The following TSPAN8 variants were observed in gnomAD, a reference collection of about 807,000 sequenced individuals.
TSPAN8 encodes tetraspanin-8.
A neutral mutation model predicts 32.8 loss-of-function variants in TSPAN8; 21 were observed. That is an observed-to-expected ratio of 0.64 (90% CI 0.45 to 0.92). The LOEUF (loss-of-function observed/expected upper bound fraction) is 0.92. TSPAN8 is among the 40% of genes least tolerant of loss of function. The pLI is 0.00. For synonymous variants in TSPAN8, 95 were observed against 94.6 expected (o/e 1.00, Z -0.03); for missense variants, 269 against 281.9 (o/e 0.95, Z 0.33).
At chr12:71,151,581 T>C (rs1157370193) in intron 2 of TSPAN8, among the ~76,000 whole-genome samples, 1 of 152,130 alleles carries the variant, frequency 6.6e-6, no homozygotes, top group Non-Finnish European at 1.5e-5. Flanking sequence ...TGACACAAAT[T>C]CAGTAATATT....
In TSPAN8 at chr12:71,151,056, C is replaced by T. The variant is rs143046447; in HGVS notation, c.60+6563G>A. Among the ~76,000 whole-genome samples the T allele has an allele frequency of 2.7e-4, 41 of 151,138 alleles. 2 individuals are homozygous for T. The East Asian group carries it at 7.3e-3, about 27-fold the overall frequency. On this transcript the variant is annotated intron_variant, in intron 2 of 8. Transcript: ENST00000247829. ...CAATGTGTCTCCATGATTGCATTCA[C>T]GTGCATCTTATTTTTTTTTTTTTTT...
intron 7 of TSPAN8, among the ~76,000 whole-genome samples, chr12:71,132,028 T>C (rs896706590): frequency 2.6e-5 from 4 of 152,296 alleles, no homozygotes; most frequent in Admixed American, 6.5e-5. Flanking sequence ...AAGTATTTGA[T>C]GAACTGATCA....
chr12:71,140,558 T>A (rs1286786071), intron 3 of TSPAN8, among the ~76,000 whole-genome samples: 1 of 152,162 alleles, frequency 6.6e-6, no homozygotes, highest in Non-Finnish European at 1.5e-5. Context: ...CATAGAGTCA[T>A]CTAGAAACTC....
chr12:71,137,769 CT>C (rs1871750814), intron 6 of TSPAN8, among the ~76,000 whole-genome samples, 183 bp downstream of exon 6: 1 of 152,182 alleles, frequency 6.6e-6, no homozygotes, highest in South Asian at 2.1e-4. Context: ...TGCTTCAGAA[CT>C]TTGTATGAAG....
rs1872001854 is a variant in TSPAN8, at chr12:71,144,282, C to T, written c.61-69G>A. On this transcript the variant is annotated intron_variant, in intron 2 of 8. Transcript: ENST00000247829. Reference sequence around the variant, plus strand: ...ATATGAAACTCTATTTCCACACCCTCCTATCTATCCGGTGACAGTAGTTCA... The same window carrying T: ...ATATGAAACTCTATTTCCACACCCTTCTATCTATCCGGTGACAGTAGTTCA... 2.8e-6 allele frequency: 4 copies of T among 1,403,800 alleles called. No individual in the cohort carries two copies. The East Asian group carries it at 9.3e-5, about 33-fold the overall frequency. The allele number at this position is 1,403,800 out of a possible 1,614,324, so 87.0% of individuals were successfully genotyped here. A position where few individuals can be genotyped will look rare whatever the true frequency, so the allele number is the denominator to read the frequency against.
chr12:71,144,320 C>T (rs970152159), intron 2 of TSPAN8, 107 bp from the exon 3 acceptor site: 6 of 886,686 alleles, frequency 6.8e-6, no homozygotes, highest in African/African-American at 6.7e-5. Flanking sequence ...ATCGACTATA[C>T]TATCACAACC....
In TSPAN8 at chr12:71,152,410, A is replaced by G. The variant is rs533207036; in HGVS notation, c.60+5209T>C. Among the ~76,000 whole-genome samples, 72 of 152,342 alleles carry G rather than the reference A, an allele frequency of 4.7e-4. No homozygotes were observed. The Middle Eastern group carries it at 0.01, about 22-fold the overall frequency. ...AATAGTTACATATTTCTGCTTCATA[A>G]AAACACCTATAAAATACTGGTTGAA... On this transcript the variant is annotated intron_variant, in intron 2 of 8. Coordinates refer to ENST00000247829, the MANE Select transcript of TSPAN8 (RefSeq NM_004616.3).
intron 2 of TSPAN8, among the ~76,000 whole-genome samples, chr12:71,150,334 T>C (rs1565789320): frequency 6.6e-6 from 1 of 152,188 alleles, no homozygotes; most frequent in Non-Finnish European, 1.5e-5. Flanking sequence ...TTATCAGGAG[T>C]TTCTGATTTC....
At chr12:71,139,903 G>T in intron 3 of TSPAN8, 55 bp from the exon 4 acceptor site, 4 of 1,489,548 alleles carry the variant, frequency 2.7e-6, no homozygotes, top group Non-Finnish European at 3.6e-6. Flanking sequence ...AGTTTATTTT[G>T]CTCATTCAAC....
At chr12:71,136,892 A>G (rs1871714546) in intron 6 of TSPAN8, among the ~76,000 whole-genome samples, 1 of 152,202 alleles carries the variant, frequency 6.6e-6, no homozygotes, top group South Asian at 2.1e-4. Context: ...TAAATGAGCT[A>G]CTGGATATAA....
At chr12:71,137,087 A>G (rs536298559) in intron 6 of TSPAN8, among the ~76,000 whole-genome samples, 28 of 152,178 alleles carry the variant, frequency 1.8e-4, no homozygotes, top group African/African-American at 6.7e-4. Flanking sequence ...TCTAGGCAAC[A>G]TAGTAAGACC....
intron 2 of TSPAN8, among the ~76,000 whole-genome samples, chr12:71,150,630 C>T (rs546806424): frequency 1.7e-4 from 26 of 152,184 alleles, no homozygotes; most frequent in Non-Finnish European, 2.5e-4. Flanking sequence ...ACTGGGGGCA[C>T]GTTCCCCCAA....
chr12:71,130,188 A>G (rs999360071), intron 7 of TSPAN8, among the ~76,000 whole-genome samples: 2 of 152,136 alleles, frequency 1.3e-5, no homozygotes, highest in Non-Finnish European at 2.9e-5. Flanking sequence ...TCCCGGGCTC[A>G]AGCAATCCAC....
intron 2 of TSPAN8, among the ~76,000 whole-genome samples, chr12:71,156,020 T>C (rs772507506): frequency 2.6e-5 from 4 of 152,042 alleles, no homozygotes; most frequent in Non-Finnish European, 5.9e-5. Flanking sequence ...CGTGAGCCAC[T>C]GCGCCTGGTT....
chr12:71,147,785 CAA>C (rs1280909785), intron 2 of TSPAN8, among the ~76,000 whole-genome samples: 1 of 152,128 alleles, frequency 6.6e-6, no homozygotes, highest in Non-Finnish European at 1.5e-5. Flanking sequence ...GAAAAGACAA[CAA>C]AGTCTCAAGA....
intron 6 of TSPAN8, among the ~76,000 whole-genome samples, chr12:71,136,303 AATAAC>A (rs1468458708): frequency 6.6e-6 from 1 of 152,218 alleles, no homozygotes; most frequent in African/African-American, 2.4e-5. Context: ...CAAATTAAGA[AATAAC>A]ATACTAATCA....
chr12:71,153,981 T>C (rs1229625475), intron 2 of TSPAN8, among the ~76,000 whole-genome samples: 2 of 152,134 alleles, frequency 1.3e-5, no homozygotes, highest in African/African-American at 4.8e-5. Context: ...GTCTCTGTTA[T>C]CAAAGAAACA....
chr12:71,138,176 C>T lies in TSPAN8; in HGVS notation c.316G>A (p.Gly106Arg). 1 of 1,613,748 alleles carries T rather than the reference C, an allele frequency of 6.2e-7. No homozygotes were observed. The highest frequency in any genetic ancestry group is 1.3e-5 in the African/African-American group (1 of 75,018). The change falls in exon 5 of 9, where the codon GGA (glycine) becomes AGA (arginine). Residue 106 changes from glycine (G) to arginine (R), a missense_variant. Transcript: ENST00000247829. The part of the protein sequence containing the change: ...LLLQVATGIL[G>R]AVFKSKSDRI... ...CACACCTTAGATTTGAAAACAGCTC[C>T]TAGGATACCTGTCGCCACCTGCAGG...
intron 8 of TSPAN8, among the ~76,000 whole-genome samples, chr12:71,128,656 A>G (rs28481798): frequency 1.6e-5 from 2 of 122,248 alleles, no homozygotes; most frequent in East Asian, 7.2e-4. Flanking sequence ...TTTTTTTTTT[A>G]AAAAAAAAAC....
Sources: gnomAD v4.1 joint callset for allele counts (sites outside exome capture counted in the v4.1 genomes callset) on GRCh38, gnomAD v4.1.1 for gene constraint, MANE v1.5 for transcripts, NCBI Gene and HGNC (gene_info 2026-07-23, HGNC 2026-07-21) for gene names.